The following CCDC7 variants were observed in gnomAD, a reference collection of about 807,000 sequenced individuals.
CCDC7 encodes the protein coiled-coil domain-containing protein 7.
In CCDC7, 183 loss-of-function variants were observed where a neutral mutation model predicts 196.9. The ratio of observed to expected loss-of-function variants is 0.93; its 90% CI spans 0.82 to 1.05. CCDC7 has a LOEUF of 1.05. Among genes scored for constraint, CCDC7 ranks in the 50% least tolerant of loss-of-function variants. The pLI is 0.00. For missense variants in CCDC7, 1,540 were observed against 1,482.2 expected (o/e 1.04, Z -0.64); for synonymous variants, 525 against 484.6 (o/e 1.08, Z -1.10).
At chr10:32,466,743 C>A (rs550142299) in intron 5 of CCDC7, among the ~76,000 whole-genome samples, 1 of 152,034 alleles carries the variant, frequency 6.6e-6, no homozygotes, top group Non-Finnish European at 1.5e-5. Flanking sequence ...TACACATGTA[C>A]GTGTCTTTAT....
At chr10:32,874,353 G>T (rs183614610) in intron 41 of CCDC7, among the ~76,000 whole-genome samples, 1 of 151,714 alleles carries the variant, frequency 6.6e-6, no homozygotes, top group Admixed American at 6.6e-5. Flanking sequence ...GTATGGTGGT[G>T]AAATCTAGGA....
chr10:32,591,215 A>T (rs1437342961), intron 18 of CCDC7, among the ~76,000 whole-genome samples: 2 of 151,942 alleles, frequency 1.3e-5, no homozygotes, highest in African/African-American at 2.4e-5. Context: ...TCTTGTAGGC[A>T]TGCTTCATTG....
chr10:32,578,999 G>C (rs1465925104), intron 16 of CCDC7, among the ~76,000 whole-genome samples: 1 of 152,136 alleles, frequency 6.6e-6, no homozygotes, highest in Non-Finnish European at 1.5e-5. Flanking sequence ...ATTTTACTGG[G>C]TTTTGTCCCA....
chr10:32,685,005 T>C (rs534742063), intron 21 of CCDC7, among the ~76,000 whole-genome samples: 1 of 151,900 alleles, frequency 6.6e-6, no homozygotes, highest in Non-Finnish European at 1.5e-5. Flanking sequence ...ATTCCAAAAG[T>C]AAAAAATATG....
intron 28 of CCDC7, among the ~76,000 whole-genome samples, chr10:32,748,188 A>G (rs1257403082): frequency 1.3e-5 from 2 of 152,184 alleles, no homozygotes; most frequent in African/African-American, 4.8e-5. Context: ...AAAGAAGGGA[A>G]CAATAGACAC....
At chr10:32,486,954 C>G (rs1482930321) in intron 8 of CCDC7, among the ~76,000 whole-genome samples, 36 of 152,098 alleles carry the variant, frequency 2.4e-4, no homozygotes, top group Non-Finnish European at 4.4e-5. Context: ...TTTGGTGAAT[C>G]TGACAATTAT....
intron 18 of CCDC7, among the ~76,000 whole-genome samples, chr10:32,626,846 A>G (rs2064113493): frequency 6.6e-6 from 1 of 151,946 alleles, no homozygotes; most frequent in African/African-American, 2.4e-5. Flanking sequence ...CCTTTGTTGA[A>G]AATCAATTGG....
chr10:32,851,059 G>A (rs998809533), intron 39 of CCDC7, among the ~76,000 whole-genome samples: 3 of 151,980 alleles, frequency 2.0e-5, no homozygotes, highest in Non-Finnish European at 4.4e-5. Flanking sequence ...GGAATTGATC[G>A]TTTCTAGTCT....
chr10:32,511,177 A>T (rs1032224384), intron 9 of CCDC7, among the ~76,000 whole-genome samples: 1 of 143,008 alleles, frequency 7.0e-6, no homozygotes, highest in African/African-American at 2.6e-5. Context: ...GAAAGTATTT[A>T]GCTTTACATA....
At chr10:32,818,460 A>T (rs1470841476) in intron 31 of CCDC7, among the ~76,000 whole-genome samples, 1 of 152,158 alleles carries the variant, frequency 6.6e-6, no homozygotes, top group East Asian at 1.9e-4. Context: ...ATATCCAGGA[A>T]TTGAACTCAG....
chr10:32,640,213 A>C (rs1189347469), intron 20 of CCDC7, among the ~76,000 whole-genome samples: 1 of 152,032 alleles, frequency 6.6e-6, no homozygotes, highest in Admixed American at 6.5e-5. Context: ...TGCTTTATGA[A>C]TCTGGGTGCT....
intron 19 of CCDC7, 21 bp downstream of exon 20, chr10:32,634,385 T>G: frequency 1.0e-6 from 1 of 962,996 alleles, no homozygotes; most frequent in Non-Finnish European, 1.3e-6. Context: ...TAATTATACA[T>G]ATCTTTACAC....
intron 13 of CCDC7, among the ~76,000 whole-genome samples, chr10:32,557,932 A>G (rs1303089507): frequency 6.6e-6 from 1 of 152,180 alleles, no homozygotes; most frequent in Non-Finnish European, 1.5e-5. Context: ...GCCTCAAGCA[A>G]TCCTCCCACC....
intron 29 of CCDC7, among the ~76,000 whole-genome samples, chr10:32,782,212 T>G (rs955661707): frequency 7.6e-6 from 1 of 131,632 alleles, no homozygotes; most frequent in Non-Finnish European, 1.6e-5. Flanking sequence ...GATTAGAAGA[T>G]AACTTGTTTT....
intron 18 of CCDC7, among the ~76,000 whole-genome samples, chr10:32,614,692 A>C (rs1454550982): frequency 6.6e-6 from 1 of 152,096 alleles, no homozygotes; most frequent in Non-Finnish European, 1.5e-5. Flanking sequence ...GGATTGACTT[A>C]CCCTGCTTTC....
At chr10:32,867,252 G>A (rs1231164578) in intron 41 of CCDC7, among the ~76,000 whole-genome samples, 1 of 151,522 alleles carries the variant, frequency 6.6e-6, no homozygotes, top group East Asian at 1.9e-4. Context: ...TTTGGTAATT[G>A]TGTTGTGATG....
chr10:32,500,510 C>T (rs2043804189), intron 9 of CCDC7, among the ~76,000 whole-genome samples: 1 of 151,910 alleles, frequency 6.6e-6, no homozygotes, highest in Admixed American at 6.6e-5. Context: ...AGAGACGCTC[C>T]TCACTTCCTA....
intron 21 of CCDC7, among the ~76,000 whole-genome samples, chr10:32,667,583 A>G (rs1273433328): frequency 6.6e-6 from 1 of 152,190 alleles, no homozygotes; most frequent in Non-Finnish European, 1.5e-5. Flanking sequence ...AGCTTTCTAC[A>G]TATGGCTAGC....
intron 28 of CCDC7, among the ~76,000 whole-genome samples, chr10:32,776,665 A>G (rs1478887933): frequency 6.6e-6 from 1 of 152,212 alleles, no homozygotes; most frequent in Non-Finnish European, 1.5e-5. Flanking sequence ...AAATGAGATA[A>G]TACTTCAAAA....
Sources: allele counts gnomAD v4.1 joint callset (sites outside exome capture counted in the v4.1 genomes callset), GRCh38; gene constraint gnomAD v4.1.1; transcripts MANE v1.5; gene names NCBI Gene and HGNC (gene_info 2026-07-23, HGNC 2026-07-21).